The following RARA variants were observed in gnomAD, a reference collection of about 807,000 sequenced individuals.
The protein encoded by RARA is retinoic acid receptor alpha.
RARA carries 5 observed loss-of-function variants against 42.8 expected under a neutral mutation model. The ratio of observed to expected loss-of-function variants is 0.12; its 90% CI spans 0.06 to 0.25. The LOEUF (loss-of-function observed/expected upper bound fraction) is 0.25. RARA is among the 10% of genes least tolerant of loss of function. RARA has a pLI of 1.00. For missense variants in RARA, 402 were observed against 628.7 expected (o/e 0.64, Z 3.86); for synonymous variants, 256 against 259.5 (o/e 0.99, Z 0.13).
At chr17:40,341,102 C>T (rs2034018523) in intron 2 of RARA, 1 of 403,396 alleles carries the variant, frequency 2.5e-6, no homozygotes, top group Non-Finnish European at 4.4e-6. Flanking sequence ...CAGGGGTATC[C>T]CCTCTTTCTA....
At chr17:40,341,492 C>T in intron 2 of RARA, 1 of 1,498,492 alleles carries the variant, frequency 6.7e-7, no homozygotes, top group African/African-American at 1.5e-5. Flanking sequence ...CCGCGCGACC[C>T]GGCCCTACGC....
intron 1 of RARA, 40 bp from the exon 2 acceptor site, chr17:40,330,817 T>G: frequency 4.2e-6 from 1 of 237,354 alleles, no homozygotes; most frequent in Non-Finnish European, 8.3e-6. Flanking sequence ...TGTGTGCCTG[T>G]TCTTCAGTGC....
intron 3 of RARA, chr17:40,348,752 G>A: frequency 3.6e-6 from 1 of 277,714 alleles, no homozygotes; most frequent in South Asian, 9.0e-5. Context: ...CGCTGCCCAG[G>A]TTGCCATGGT....
intron 1 of RARA, among the ~76,000 whole-genome samples, chr17:40,313,863 A>T (rs1027340255): frequency 6.6e-6 from 1 of 152,054 alleles, no homozygotes; most frequent in Non-Finnish European, 1.5e-5. Context: ...TGAGAAATCA[A>T]TAGTGCAAAT....
chr17:40,323,428 T>C (rs2033446677), intron 1 of RARA, among the ~76,000 whole-genome samples: 1 of 151,914 alleles, frequency 6.6e-6, no homozygotes, highest in South Asian at 2.1e-4. Flanking sequence ...AGGGAGTTTC[T>C]GTGGCTTCCT....
intron 2 of RARA, chr17:40,342,563 GCGCC>G (rs2034103020): frequency 2.9e-6 from 4 of 1,360,986 alleles, no homozygotes; most frequent in Non-Finnish European, 3.8e-6. Context: ...AGGGCAGGGG[GCGCC>G]CCCTGCCCGG....
At chr17:40,332,267 G>C (rs967360823) in intron 2 of RARA, among the ~76,000 whole-genome samples, 3 of 152,078 alleles carry the variant, frequency 2.0e-5, no homozygotes, top group African/African-American at 7.2e-5. Flanking sequence ...AGGGAGCCGG[G>C]GCCTGGCCTG....
chr17:40,309,195 A>G lies in RARA; in HGVS notation c.-454A>G, dbSNP rs1598523026. 2 of 152,442 alleles carry G rather than the reference A, an allele frequency of 1.3e-5. No individual in the cohort carries two copies. The highest frequency in any genetic ancestry group is 3.9e-4 in the East Asian group (2 of 5,182). 9.4% of individuals were successfully genotyped at this position (152,442 alleles called of 1,614,324 possible). ...CGTGCCTCTTGCAGCAGCCTAACCCAGAAGCAGGGGGGAATCCTGAATCGA... is the reference window on the plus strand; with the variant it reads ...CGTGCCTCTTGCAGCAGCCTAACCCGGAAGCAGGGGGGAATCCTGAATCGA... On this transcript the variant is annotated 5_prime_UTR_variant, in exon 1 of 9. Transcript: ENST00000254066.
intron 2 of RARA, among the ~76,000 whole-genome samples, chr17:40,336,992 C>T (rs1049470334): frequency 3.9e-5 from 6 of 152,366 alleles, no homozygotes; most frequent in African/African-American, 1.4e-4. Context: ...GCCACTGTGC[C>T]TGGCCGTGAC....
At position 40,354,989 on chromosome 17, in the gene RARA, T is replaced by C. The variant is rs1290015199; in HGVS notation, c.1013-274T>C. On this transcript the variant is annotated intron_variant, in intron 7 of 8. Coordinates refer to ENST00000254066, the MANE Select transcript of RARA (RefSeq NM_000964.4). The surrounding 1 kb of genome is among the most constrained non-coding windows in gnomAD (Gnocchi z 4.5). ...GGAGTGGGAGCCTGCCTGGGAACCC[T>C]CTCCCTGCTTGAGGATGGCACTGCC... 1.3e-5 allele frequency among the ~76,000 whole-genome samples: 2 copies of C among 152,144 alleles called. No homozygotes were observed. The highest frequency in any genetic ancestry group is 2.9e-5 in the Non-Finnish European group (2 of 68,018).
At chr17:40,338,609 G>C (rs77783454) in intron 2 of RARA, among the ~76,000 whole-genome samples, 13,970 of 151,594 alleles carry the variant, frequency 0.092, 970 homozygotes, top group East Asian at 0.37. Context: ...TCGGGAGGCT[G>C]AGGCAGGAGA....
chr17:40,341,375 C>G (rs1400206671), intron 2 of RARA: 12 of 1,448,402 alleles, frequency 8.3e-6, no homozygotes, highest in South Asian at 1.4e-5. Context: ...CGGGTTCCGG[C>G]GGCCGGAGTC....
chr17:40,352,593 T>C lies in RARA; in HGVS notation c.807+86T>C, dbSNP rs558319017. On this transcript the variant is annotated intron_variant, in intron 6 of 8. Transcript: ENST00000254066. This position sits in a 1 kb window ranked among gnomAD's most constrained non-coding sequence, Gnocchi z 4.9. ...AGCCAGACAGCCACCCTCCTAAATG[T>C]CTGTCTGCAATCAACCTGTCCAAAT... 1.5e-5 allele frequency: 19 copies of C among 1,277,488 alleles called. No homozygotes were observed. The East Asian group carries it at 3.9e-4, about 26-fold the overall frequency. 79.1% of individuals were successfully genotyped at this position (1,277,488 alleles called of 1,614,324 possible). A position where few individuals can be genotyped will look rare whatever the true frequency, so the allele number is the denominator to read the frequency against.
intron 1 of RARA, among the ~76,000 whole-genome samples, chr17:40,312,041 G>T (rs1445724731): frequency 1.3e-5 from 2 of 152,172 alleles, no homozygotes; most frequent in African/African-American, 4.8e-5. Context: ...GGGGAGCAAG[G>T]GACTAACATA....
chr17:40,322,558 C>A (rs576228374), intron 1 of RARA, among the ~76,000 whole-genome samples: 9 of 152,134 alleles, frequency 5.9e-5, no homozygotes, highest in Non-Finnish European at 1.2e-4. Flanking sequence ...TTTATCCCGG[C>A]CCTCCCCCCG....
intron 2 of RARA, among the ~76,000 whole-genome samples, chr17:40,344,551 C>T (rs993802961): frequency 3.9e-5 from 6 of 152,114 alleles, no homozygotes; most frequent in African/African-American, 1.2e-4. Context: ...TCAGCTCTTC[C>T]TGGCCCAGAA....
chr17:40,355,864 GA>G lies in RARA; in HGVS notation c.1172-144del, dbSNP rs1194771427. ...AGCCTCTGGACCTGGGGGCTTAAGA[GA>G]GCTGGCTCGTGTCAAAGAACTGAAT... On this transcript the variant is annotated intron_variant, in intron 8 of 8. Transcript: ENST00000254066. This position sits in a 1 kb window ranked among gnomAD's most constrained non-coding sequence, Gnocchi z 4.1. The G allele has an allele frequency of 8.8e-6, 7 of 796,550 alleles. No homozygotes were observed. The African/African-American group carries it at 1.2e-4, about 14-fold the overall frequency. 49.3% of individuals were successfully genotyped at this position (796,550 alleles called of 1,614,324 possible).
rs1343168029 is a variant in RARA, at chr17:40,351,309, T to A, written c.470-601T>A. ...CCAGCCCTGTGAGTGATTGTGTGTC[T>A]GGATAATCGGCTGGTAACGACCCCA... On this transcript the variant is annotated intron_variant, in intron 4 of 8. Coordinates refer to ENST00000254066, the MANE Select transcript of RARA (RefSeq NM_000964.4). The surrounding 1 kb of genome is among the most constrained non-coding windows in gnomAD (Gnocchi z 4.1). 4.6e-6 allele frequency: 1 copy of A among 219,602 alleles called. No individual in the cohort carries two copies. The highest frequency in any genetic ancestry group is 1.8e-4 in the East Asian group (1 of 5,580). 13.6% of individuals were successfully genotyped at this position (219,602 alleles called of 1,614,324 possible). A position where few individuals can be genotyped will look rare whatever the true frequency, so the allele number is the denominator to read the frequency against.
chr17:40,317,253 C>T lies in RARA; in HGVS notation c.-363+7967C>T, dbSNP rs2033233763. Among the ~76,000 whole-genome samples, 3 of 152,038 alleles carry T rather than the reference C, an allele frequency of 2.0e-5. No individual in the cohort carries two copies. In the South Asian group the frequency reaches 6.2e-4, roughly 32 times the overall value. On this transcript the variant is annotated intron_variant, in intron 1 of 8. Coordinates refer to ENST00000254066, the MANE Select transcript of RARA (RefSeq NM_000964.4). Reference sequence around the variant, plus strand: ...AGTTCTGTGGGGGCACTTGTGGCCACTTCTCTGCCTGGGAACAGGGCGAGA... The same window carrying T: ...AGTTCTGTGGGGGCACTTGTGGCCATTTCTCTGCCTGGGAACAGGGCGAGA...
Sources: allele counts gnomAD v4.1 joint callset (sites outside exome capture counted in the v4.1 genomes callset), GRCh38; gene constraint gnomAD v4.1.1; non-coding constraint Gnocchi (gnomAD v3.1); transcripts MANE v1.5; gene names NCBI Gene and HGNC (gene_info 2026-07-23, HGNC 2026-07-21).